Variants in RAB11FIP4 observed in about 807,000 individuals in gnomAD.
The protein encoded by RAB11FIP4 is rab11 family-interacting protein 4.
A neutral mutation model predicts 74.3 loss-of-function variants in RAB11FIP4; 23 were observed. That is an observed-to-expected ratio of 0.31 (90% CI 0.22 to 0.44). The LOEUF (loss-of-function observed/expected upper bound fraction) is 0.44. Among genes scored for constraint, RAB11FIP4 ranks in the 20% least tolerant of loss-of-function variants. The pLI is 1.00. For synonymous variants in RAB11FIP4, 360 were observed against 359.9 expected, an observed-to-expected ratio of 1.00 and a Z score of 0.00; for missense variants, 630 against 863.9, an observed-to-expected ratio of 0.73 and a Z score of 3.39.
rs971716865 is a variant in RAB11FIP4 at position 31,487,957 on chromosome 17, TCCGCCC to T, written c.337-29680_337-29675del. 1.0e-4 allele frequency: 77 copies of T among 764,052 alleles called. 1 individual carries two copies. The African/African-American group carries it at 1.2e-3, about 12-fold the overall frequency. The allele number at this position is 764,052 out of a possible 1,614,324, so 47.3% of individuals were successfully genotyped here. On this transcript the variant is annotated intron_variant, in intron 3 of 14. Transcript: ENST00000621161. The stretch of plus-strand genomic sequence containing the variant: ...GGGTTCCGGGGCCGCGTCCCTGTCC[TCCGCCC>T]CCGCCCCCGCCCCGCCCCGGCGCGA...
rs1408857602 is a variant in RAB11FIP4 at position 31,512,336 on chromosome 17, C to G, written c.337-5315C>G. On this transcript the variant is annotated intron_variant, in intron 3 of 14. Coordinates refer to ENST00000621161, the MANE Select transcript of RAB11FIP4 (RefSeq NM_032932.6). The surrounding 1 kb of genome is among the most constrained non-coding windows in gnomAD (Gnocchi z 4.1). Reference sequence around the variant, plus strand: ...CTGTAGGTGAGGAGCCAGGTGCTCACAAAGGTGGTCACTTGTCCAAGGTCA... The same window carrying G: ...CTGTAGGTGAGGAGCCAGGTGCTCAGAAAGGTGGTCACTTGTCCAAGGTCA... Among the ~76,000 whole-genome samples, 2 of 152,174 alleles carry G rather than the reference C, an allele frequency of 1.3e-5. No homozygotes were observed. The highest frequency in any genetic ancestry group is 2.9e-5 in the Non-Finnish European group (2 of 68,020).
At chr17:31,486,662 G>A (rs1274672297) in intron 3 of RAB11FIP4, among the ~76,000 whole-genome samples, 1 of 152,212 alleles carries the variant, frequency 6.6e-6, no homozygotes, top group East Asian at 1.9e-4. Flanking sequence ...AAACAGTCTG[G>A]CCTCTGCACA....
chr17:31,522,002 C>A lies in RAB11FIP4; in HGVS notation c.846C>A (p.Asn282Lys). ...VYCSQCCKKI[N>K]LLNDLEARLK... ...GCTCTCAATGCTGCAAGAAAATCAA[C>A]CTGCTCAATGACTTGGAAGCCCGAC... The change falls in exon 6 of 15, where the codon AAC (asparagine) becomes AAA (lysine). Residue 282 changes from asparagine to lysine, a missense_variant. Transcript: ENST00000621161. 6.2e-7 allele frequency: 1 copy of A among 1,614,166 alleles called. No individual in the cohort carries two copies. The highest frequency in any genetic ancestry group is 8.5e-7 in the Non-Finnish European group (1 of 1,180,044).
At chr17:31,398,959 G>A (rs1333060559) in intron 1 of RAB11FIP4, among the ~76,000 whole-genome samples, 1 of 152,168 alleles carries the variant, frequency 6.6e-6, no homozygotes, top group Non-Finnish European at 1.5e-5. Context: ...TGCCTTGGAG[G>A]GCAGTGCATT....
intron 3 of RAB11FIP4, among the ~76,000 whole-genome samples, chr17:31,461,945 A>T (rs1052111152): frequency 6.6e-6 from 1 of 152,070 alleles, no homozygotes; most frequent in Non-Finnish European, 1.5e-5. Flanking sequence ...TTGGCCAGAT[A>T]TTGGAATCAC....
intron 3 of RAB11FIP4, among the ~76,000 whole-genome samples, chr17:31,510,244 G>C (rs1468610494): frequency 1.3e-5 from 2 of 152,192 alleles, no homozygotes; most frequent in Non-Finnish European, 2.9e-5. Context: ...CCTTGACCTG[G>C]CCCATCTCGT....
chr17:31,478,074 C>A (rs1356259344), intron 3 of RAB11FIP4, among the ~76,000 whole-genome samples: 6 of 148,754 alleles, frequency 4.0e-5, no homozygotes, highest in Non-Finnish European at 8.9e-5. Flanking sequence ...CTCACTGCAA[C>A]CTCCACCTCC....
In RAB11FIP4 at chr17:31,517,873, G is replaced by C. The variant is rs1308014235; in HGVS notation, c.559G>C (p.Asp187His). Residue 187 changes from aspartate to histidine, a missense_variant, in exon 4 of 15, where the codon GAC becomes CAC. By Grantham distance (81) the Asp-to-His change is moderately conservative (BLOSUM62 -1). Transcript: ENST00000621161. ...GGLGGLFLPE[D>H]KSLVHTPSMT... ...ACTTGGGGGCCTGTTTCTGCCAGAA[G>C]ACAAGTGAGTTAAAACCACCTGAAG... 11 of 1,551,424 alleles carry C rather than the reference G, an allele frequency of 7.1e-6. No individual in the cohort carries two copies. The highest frequency in any genetic ancestry group is 9.6e-6 in the Non-Finnish European group (11 of 1,146,868).
chr17:31,504,666 A>G (rs544682975), intron 3 of RAB11FIP4, among the ~76,000 whole-genome samples: 3 of 152,338 alleles, frequency 2.0e-5, no homozygotes, highest in East Asian at 1.9e-4. Flanking sequence ...CTTCACAACT[A>G]TATGCCATTA....
At chr17:31,458,368 A>G (rs2071600806) in intron 3 of RAB11FIP4, among the ~76,000 whole-genome samples, 1 of 152,156 alleles carries the variant, frequency 6.6e-6, no homozygotes, top group African/African-American at 2.4e-5. Context: ...AGAGGCATGA[A>G]GCAAAGTATC....
chr17:31,498,562 T>A (rs139017251), intron 3 of RAB11FIP4, among the ~76,000 whole-genome samples: 251 of 152,306 alleles, frequency 1.6e-3, no homozygotes, highest in African/African-American at 5.9e-3. Flanking sequence ...GCGGGTCACG[T>A]GGAGCCTTGG....
chr17:31,458,102 G>A (rs6505247), intron 3 of RAB11FIP4, among the ~76,000 whole-genome samples: 128,169 of 152,156 alleles, frequency 0.84, 54,221 homozygotes, highest in Admixed American at 0.85. Context: ...TTGAGGCTCA[G>A]ACAGCAGTTA....
At chr17:31,487,981 C>A in intron 3 of RAB11FIP4, 6 of 961,582 alleles carry the variant, frequency 6.2e-6, no homozygotes, top group Non-Finnish European at 7.5e-6. Flanking sequence ...CGCCCCGCCC[C>A]GGCGCGAGGC....
chr17:31,429,828 C>CAAAAAAAAAAAAAA (rs751342010), intron 1 of RAB11FIP4, among the ~76,000 whole-genome samples: 1 of 80,322 alleles, frequency 1.2e-5, no homozygotes. Flanking sequence ...GATTCCATCT[C>CAAAAAAAAAAAAAA]AAAAAAAAAA....
At chr17:31,439,928 C>A (rs531571068) in intron 3 of RAB11FIP4, among the ~76,000 whole-genome samples, 3 of 152,268 alleles carry the variant, frequency 2.0e-5, no homozygotes, top group African/African-American at 7.2e-5. Context: ...TGAGCCACAG[C>A]AACAGGTTGA....
chr17:31,514,844 G>A (rs757982565), intron 3 of RAB11FIP4, among the ~76,000 whole-genome samples: 3 of 152,352 alleles, frequency 2.0e-5, no homozygotes, highest in Non-Finnish European at 2.9e-5. Flanking sequence ...AAGTTGCTGC[G>A]TTAGGCGGCA....
At chr17:31,511,708 A>T (rs2072455304) in intron 3 of RAB11FIP4, among the ~76,000 whole-genome samples, 1 of 152,112 alleles carries the variant, frequency 6.6e-6, no homozygotes, top group African/African-American at 2.4e-5. Flanking sequence ...GGGGAGGGAG[A>T]GGACCAGATG....
Position 31,434,097 on chromosome 17 carries a change from C to T in RAB11FIP4, c.311C>T (p.Pro104Leu), listed in dbSNP as rs1227964295. ...AGCGCGGGGACGCTGCCGTGCGCGC[C>T]AGAGATCCCAGACTGCGTGGAGCAG... ...VESAGTLPCAPEIPDCVEQGS... is the reference protein window; with the variant it reads ...VESAGTLPCALEIPDCVEQGS... Residue 104 changes from proline to leucine, a missense_variant, in exon 3 of 15, where the codon CCA becomes CTA. Coordinates refer to ENST00000621161, the MANE Select transcript of RAB11FIP4 (RefSeq NM_032932.6). 6.3e-7 allele frequency: 1 copy of T among 1,583,970 alleles called. No homozygotes were observed. The highest frequency in any genetic ancestry group is 8.5e-7 in the Non-Finnish European group (1 of 1,172,878).
At chr17:31,516,626 C>T (rs560086038) in intron 3 of RAB11FIP4, among the ~76,000 whole-genome samples, 7 of 152,312 alleles carry the variant, frequency 4.6e-5, no homozygotes, top group Admixed American at 3.9e-4. Flanking sequence ...TGCGCCACCT[C>T]GCCCAGCTAA....
Sources: gnomAD v4.1 joint callset for allele counts (sites outside exome capture counted in the v4.1 genomes callset) on GRCh38, gnomAD v4.1.1 for gene constraint, Gnocchi (gnomAD v3.1) non-coding constraint, MANE v1.5 for transcripts, NCBI Gene and HGNC (gene_info 2026-07-23, HGNC 2026-07-21) for gene names.